The following GPHN variants were observed in gnomAD, a reference collection of about 807,000 sequenced individuals.
GPHN encodes gephyrin.
GPHN carries 17 observed loss-of-function variants against 95.5 expected under a neutral mutation model. That is an observed-to-expected ratio of 0.18 (90% CI 0.12 to 0.27). The LOEUF is 0.27. Ranked by LOEUF, GPHN falls within the 10% of genes least tolerant of loss-of-function variation. GPHN has a pLI of 1.00. For synonymous variants in GPHN, 320 were observed against 322.5 expected (o/e 0.99, Z 0.08); for missense variants, 660 against 978.1 (o/e 0.67, Z 4.34).
At chr14:67,595,058 A>C in the GPHN span, among the ~76,000 whole-genome samples, 1 of 151,594 alleles carries the variant, frequency 6.6e-6, no homozygotes, top group Non-Finnish European at 1.5e-5. Flanking sequence ...AATGGCGTGA[A>C]CCCAGGAGGT....
chr14:67,058,903 T>TATC (rs1486299103), intron 11 of GPHN, 117 bp downstream of exon 11: 2 of 936,152 alleles, frequency 2.1e-6, no homozygotes, highest in Non-Finnish European at 3.4e-6. Context: ...TTATTACAGT[T>TATC]ATCATCATTC....
the GPHN span, chr14:67,221,769 A>T: frequency 6.2e-7 from 1 of 1,613,042 alleles, no homozygotes. Context: ...TGTGCTATTT[A>T]TTTTTACAGG....
the GPHN span, chr14:67,701,982 A>G: frequency 6.6e-6 from 1 of 152,002 alleles, no homozygotes; most frequent in East Asian, 1.9e-4. Flanking sequence ...TTGTAGAGAC[A>G]GTATCTCACT....
chr14:67,365,561 T>C, the GPHN span, among the ~76,000 whole-genome samples: 10 of 152,320 alleles, frequency 6.6e-5, no homozygotes, highest in African/African-American at 2.4e-4. Flanking sequence ...TCAGACAGTT[T>C]TGGATGAGCA....
At chr14:67,247,773 T>G in the GPHN span, among the ~76,000 whole-genome samples, 1 of 152,060 alleles carries the variant, frequency 6.6e-6, no homozygotes, top group South Asian at 2.1e-4. Flanking sequence ...GAGACAGGGC[T>G]TCACCATGTT....
chr14:67,025,554 T>G (rs1396966097), intron 10 of GPHN, among the ~76,000 whole-genome samples: 1 of 152,154 alleles, frequency 6.6e-6, no homozygotes, highest in East Asian at 1.9e-4. Flanking sequence ...AGCCTGAGAA[T>G]AAAAAGGAAA....
At chr14:67,621,504 G>A in the GPHN span, among the ~76,000 whole-genome samples, 4 of 151,086 alleles carry the variant, frequency 2.6e-5, no homozygotes, top group South Asian at 8.4e-4. Flanking sequence ...CACCCAGGCT[G>A]GAGTGCAGTG....
intron 18 of GPHN, among the ~76,000 whole-genome samples, chr14:67,148,977 T>C (rs111546131): frequency 0.054 from 8,205 of 152,218 alleles, 230 homozygotes; most frequent in Middle Eastern, 0.068. Context: ...ATTGAGTGAA[T>C]CAGATATGAG....
the GPHN span, chr14:67,317,427 G>A: frequency 6.2e-7 from 1 of 1,612,036 alleles, no homozygotes; most frequent in African/African-American, 1.3e-5. Context: ...GGTGTGCAAA[G>A]AAGAATAAAA....
At chr14:66,890,262 G>C (rs1485114512) in intron 5 of GPHN, among the ~76,000 whole-genome samples, 1 of 151,944 alleles carries the variant, frequency 6.6e-6, no homozygotes, top group Non-Finnish European at 1.5e-5. Flanking sequence ...CAAAAAATTA[G>C]CCAGGTGTAG....
chr14:66,573,661 TG>T (rs2060788925), intron 1 of GPHN, among the ~76,000 whole-genome samples: 1 of 152,218 alleles, frequency 6.6e-6, no homozygotes, highest in African/African-American at 2.4e-5. Flanking sequence ...TTCACCATGT[TG>T]GCCAGGATGG....
At chr14:67,605,149 A>G in the GPHN span, among the ~76,000 whole-genome samples, 1 of 152,190 alleles carries the variant, frequency 6.6e-6, no homozygotes, top group Non-Finnish European at 1.5e-5. Context: ...CTATCAATCA[A>G]TCTAAGGGAG....
the GPHN span, among the ~76,000 whole-genome samples, chr14:67,655,486 T>C: frequency 1.1e-4 from 16 of 152,348 alleles, no homozygotes; most frequent in Non-Finnish European, 2.1e-4. Flanking sequence ...ATGATCCAGC[T>C]TACCTTACTG....
intron 13 of GPHN, among the ~76,000 whole-genome samples, chr14:67,103,221 A>G (rs562669483): frequency 2.6e-5 from 4 of 152,090 alleles, no homozygotes; most frequent in African/African-American, 7.2e-5. Flanking sequence ...TGGTCAATGT[A>G]TCTGTTTTGC....
intron 1 of GPHN, among the ~76,000 whole-genome samples, chr14:66,641,783 T>G (rs2064426762): frequency 6.6e-6 from 1 of 152,094 alleles, no homozygotes. Flanking sequence ...AGATGGAAGA[T>G]TAATCAAAAT....
the GPHN span, among the ~76,000 whole-genome samples, chr14:67,403,120 G>A: frequency 1.1e-4 from 17 of 152,332 alleles, no homozygotes; most frequent in Non-Finnish European, 2.4e-4. Flanking sequence ...TATTTTAACT[G>A]GGGTGAGATG....
At chr14:67,453,140 T>A in the GPHN span, among the ~76,000 whole-genome samples, 19 of 152,358 alleles carry the variant, frequency 1.2e-4, no homozygotes, top group South Asian at 2.3e-3. Context: ...CTGTGCCAGA[T>A]GTCTTTTGGG....
the GPHN span, among the ~76,000 whole-genome samples, chr14:67,486,509 G>T: frequency 6.6e-6 from 1 of 152,158 alleles, no homozygotes; most frequent in African/African-American, 2.4e-5. Context: ...TGTTGACCTT[G>T]CGATCCACCC....
At chr14:66,774,357 ATT>A (rs2059304024) in intron 2 of GPHN, among the ~76,000 whole-genome samples, 1 of 152,162 alleles carries the variant, frequency 6.6e-6, no homozygotes, top group Non-Finnish European at 1.5e-5. Flanking sequence ...TAATCTTGTC[ATT>A]GTTATTTCCT....
Sources: allele counts gnomAD v4.1 joint callset (sites outside exome capture counted in the v4.1 genomes callset), GRCh38; gene constraint gnomAD v4.1.1; transcripts MANE v1.5; gene names NCBI Gene and HGNC (gene_info 2026-07-23, HGNC 2026-07-21).